The following DLGAP2 variants were observed in gnomAD, a reference collection of about 807,000 sequenced individuals.
The protein encoded by DLGAP2 is DLG associated protein 2.
In DLGAP2, 26 loss-of-function variants were observed where a neutral mutation model predicts 100.3. The ratio of observed to expected loss-of-function variants is 0.26; its 90% confidence interval spans 0.19 to 0.36. The LOEUF is 0.36. Ranked by LOEUF, DLGAP2 falls within the 10% of genes least tolerant of loss-of-function variation. The pLI, the probability that DLGAP2 is intolerant of heterozygous loss-of-function variation, is 1.00. For missense variants in DLGAP2, 1,858 were observed against 1,453.2 expected (o/e 1.28, Z -4.53); for synonymous variants, 886 against 630.1 (o/e 1.41, Z -6.08).
Position 1,632,886 on chromosome 8 carries a change from A to G in DLGAP2, c.1650A>G (p.Glu550=), listed in dbSNP as rs762904628. The G allele has an allele frequency of 3.7e-6, 6 of 1,613,970 alleles. No individual in the cohort carries two copies. The highest frequency in any genetic ancestry group is 2.2e-5 in the East Asian group (1 of 44,880). ...FESVCESVFS[E]VESQAMDALD... ...CCGTGTGCGAGTCCGTCTTCAGTGAAGTTGAATCTCAGGCCATGGATGCCC... is the reference window on the plus strand; with the variant it reads ...CCGTGTGCGAGTCCGTCTTCAGTGAGGTTGAATCTCAGGCCATGGATGCCC... Residue 550 remains glutamate (E), a synonymous_variant, in exon 8 of 15, where the codon GAA becomes GAG. Coordinates refer to ENST00000637795, the MANE Select transcript of DLGAP2 (RefSeq NM_001346810.2).
Position 1,548,970 on chromosome 8 carries a change from C to G in DLGAP2, c.517C>G (p.Arg173Gly). 1 of 1,599,042 alleles carries G rather than the reference C, an allele frequency of 6.3e-7. No individual in the cohort carries two copies. ...RMHYSSHYDTRDDCAVAHAGA... is the reference protein window; with the variant it reads ...RMHYSSHYDTGDDCAVAHAGA... ...GCACTACAGCTCGCACTACGACACG[C>G]GCGACGACTGCGCTGTGGCCCACGC... The change falls in exon 5 of 15, where the codon CGC becomes GGC. Residue 173 changes from arginine (R) to glycine (G), a missense_variant. Transcript: ENST00000637795.
Position 1,420,855 on chromosome 8 carries a change from C to G in DLGAP2, c.107-80511C>G, listed in dbSNP as rs139150059. ...TGCCATTTCAGAGGTGCTTCCCCAT[C>G]TGCGCAGTCCTGTTTGGTGTCTTCG... On this transcript the variant is annotated intron_variant, in intron 3 of 14. Transcript: ENST00000637795. Among the ~76,000 whole-genome samples the G allele has an allele frequency of 9.9e-3, 1,508 of 152,294 alleles. 26 individuals carry two copies. Among genetic ancestry groups the G allele is most frequent in the African/African-American group, 0.033 (1,379 of 41,558 alleles).
chr8:1,258,921 C>T (rs946483585), intron 3 of DLGAP2, 38 bp downstream of exon 3: 19 of 1,231,220 alleles, frequency 1.5e-5, no homozygotes, highest in East Asian at 6.3e-5. Flanking sequence ...GGGCGGGGGC[C>T]GCGCGGCTCA....
At chr8:1,094,364 G>A (rs530395093) in intron 2 of DLGAP2, among the ~76,000 whole-genome samples, 2 of 152,326 alleles carry the variant, frequency 1.3e-5, no homozygotes, top group Admixed American at 1.3e-4. Context: ...TCACAAGGTG[G>A]GTCCACGGTG....
At chr8:875,142 T>G (rs1169302266) in intron 1 of DLGAP2, among the ~76,000 whole-genome samples, 3 of 152,224 alleles carry the variant, frequency 2.0e-5, no homozygotes, top group Non-Finnish European at 2.9e-5. Context: ...CTTTTAATCT[T>G]TAAAGTGTAT....
chr8:870,791 A>G (rs937998566), intron 1 of DLGAP2, among the ~76,000 whole-genome samples: 1 of 152,058 alleles, frequency 6.6e-6, no homozygotes, highest in African/African-American at 2.4e-5. Flanking sequence ...GGTGACATCC[A>G]TGAATGAGGG....
chr8:1,510,430 C>T (rs554324659), intron 4 of DLGAP2, among the ~76,000 whole-genome samples: 3 of 152,318 alleles, frequency 2.0e-5, no homozygotes, highest in African/African-American at 7.2e-5. Context: ...GAAACGTCAT[C>T]AGTTTGTGAT....
intron 3 of DLGAP2, among the ~76,000 whole-genome samples, chr8:1,372,955 G>T (rs1168077978): frequency 6.6e-6 from 1 of 152,204 alleles, no homozygotes; most frequent in African/African-American, 2.4e-5. Context: ...TCAGTGAAGG[G>T]ATGTGGGGTT....
chr8:1,221,279 G>T (rs58458566), intron 2 of DLGAP2, among the ~76,000 whole-genome samples: 7,834 of 152,208 alleles, frequency 0.051, 390 homozygotes, highest in African/African-American at 0.13. Context: ...GGACCTCTTC[G>T]AAGGCAGGTC....
At chr8:935,311 A>G (rs1799046002) in intron 2 of DLGAP2, among the ~76,000 whole-genome samples, 1 of 152,216 alleles carries the variant, frequency 6.6e-6, no homozygotes, top group Non-Finnish European at 1.5e-5. Context: ...TCAGCTGCCA[A>G]CCACATGCGG....
intron 2 of DLGAP2, among the ~76,000 whole-genome samples, chr8:1,073,438 C>T (rs1049130583): frequency 5.3e-5 from 8 of 152,036 alleles, no homozygotes; most frequent in African/African-American, 1.9e-4. Flanking sequence ...TTGTATTAGC[C>T]TTGGAAATAC....
chr8:1,240,205 C>G lies in DLGAP2; in HGVS notation c.74-18646C>G, dbSNP rs145992668. Reference sequence around the variant, plus strand: ...CACACAGAGTATCGTGTCTAGTTCTCTCACATGGCACTGTGTCTAGTTCTC... The same window carrying G: ...CACACAGAGTATCGTGTCTAGTTCTGTCACATGGCACTGTGTCTAGTTCTC... On this transcript the variant is annotated intron_variant, in intron 2 of 14. Coordinates refer to ENST00000637795, the MANE Select transcript of DLGAP2 (RefSeq NM_001346810.2). Among the ~76,000 whole-genome samples, 445 of 131,634 alleles carry G rather than the reference C, an allele frequency of 3.4e-3. 6 individuals are homozygous for G. The highest frequency in any genetic ancestry group is 6.0e-3 in the South Asian group (23 of 3,826). 86.4% of individuals were successfully genotyped at this position (131,634 alleles called of 152,430 possible). A position where few individuals can be genotyped will look rare whatever the true frequency, so the allele number is the denominator to read the frequency against.
chr8:897,151 G>A (rs774129555), intron 1 of DLGAP2, among the ~76,000 whole-genome samples: 13 of 152,152 alleles, frequency 8.5e-5, no homozygotes, highest in Non-Finnish European at 1.8e-4. Context: ...AAACGCTGAT[G>A]TTTCATGGAG....
chr8:1,442,551 G>A lies in DLGAP2; in HGVS notation c.107-58815G>A, dbSNP rs577210862. On this transcript the variant is annotated intron_variant, in intron 3 of 14. Transcript: ENST00000637795. ...TGTGGGTTCAGCCACTGGGGGAGAC[G>A]GATCCGGGCGTAGACCCGCCAGGCT... is the stretch of plus-strand genomic sequence containing the variant. Among the ~76,000 whole-genome samples, 9 of 142,892 alleles carry A rather than the reference G, an allele frequency of 6.3e-5. No homozygotes were observed. The South Asian group carries it at 6.9e-4, about 11-fold the overall frequency. The allele number at this position is 142,892 out of a possible 152,430, so 93.7% of individuals were successfully genotyped here.
chr8:1,173,081 G>C (rs1392810806), intron 2 of DLGAP2, among the ~76,000 whole-genome samples: 1 of 152,168 alleles, frequency 6.6e-6, no homozygotes, highest in African/African-American at 2.4e-5. Flanking sequence ...CTTTCTGTTT[G>C]TTAGTTTTCC....
intron 3 of DLGAP2, among the ~76,000 whole-genome samples, chr8:1,283,302 G>A (rs901136269): frequency 1.1e-4 from 16 of 151,218 alleles, no homozygotes; most frequent in Admixed American, 4.6e-4. Context: ...AACCCAGCAC[G>A]TGAACCATCC....
At chr8:952,379 G>T (rs779261950) in intron 2 of DLGAP2, among the ~76,000 whole-genome samples, 1 of 152,300 alleles carries the variant, frequency 6.6e-6, no homozygotes, top group Admixed American at 6.5e-5. Flanking sequence ...ATTATTTAGT[G>T]CTTCATTTAA....
At chr8:1,321,653 G>A (rs1271940686) in intron 3 of DLGAP2, among the ~76,000 whole-genome samples, 2 of 152,178 alleles carry the variant, frequency 1.3e-5, no homozygotes, top group Admixed American at 1.3e-4. Flanking sequence ...GAAAGGAATT[G>A]AAGCTCTTAT....
chr8:1,380,576 G>A (rs10109850), intron 3 of DLGAP2, among the ~76,000 whole-genome samples: 13,409 of 152,062 alleles, frequency 0.088, 925 homozygotes, highest in East Asian at 0.25. Flanking sequence ...ACAAAGCGAC[G>A]TGAATTAAAG....
Sources: allele counts gnomAD v4.1 joint callset (sites outside exome capture counted in the v4.1 genomes callset), GRCh38; gene constraint gnomAD v4.1.1; transcripts MANE v1.5; gene names NCBI Gene and HGNC (gene_info 2026-07-23, HGNC 2026-07-21).